Variants in ANAPC5 observed in about 807,000 individuals in gnomAD.
ANAPC5 encodes anaphase-promoting complex subunit 5.
Under a neutral mutation model 91.3 loss-of-function variants are expected in ANAPC5, and 60 were observed. The observed-to-expected ratio is 0.66, with a 90% CI of 0.53 to 0.81. The LOEUF is 0.81. ANAPC5 is among the 40% of genes least tolerant of loss of function. ANAPC5 has a pLI of 0.00. For synonymous variants in ANAPC5, 340 were observed against 364.1 expected, an observed-to-expected ratio of 0.93 and a Z score of 0.75; for missense variants, 690 against 931.5, an observed-to-expected ratio of 0.74 and a Z score of 3.37.
intron 7 of ANAPC5, 49 bp downstream of exon 7, chr12:121,335,484 T>C (rs1903193692): frequency 6.5e-7 from 1 of 1,530,812 alleles, no homozygotes; most frequent in Non-Finnish European, 8.8e-7. Flanking sequence ...GACTTTTTAT[T>C]GTCATCGGTT....
chr12:121,313,303 G>A (rs1380069102), intron 15 of ANAPC5, among the ~76,000 whole-genome samples: 1 of 152,124 alleles, frequency 6.6e-6, no homozygotes, highest in Non-Finnish European at 1.5e-5. Flanking sequence ...TCCAGCCTCG[G>A]TGACAAGAGC....
intron 9 of ANAPC5, 152 bp from the exon 10 acceptor site, chr12:121,328,649 G>C: frequency 1.5e-6 from 1 of 651,836 alleles, no homozygotes; most frequent in South Asian, 2.2e-5. Context: ...CCTTAACCCT[G>C]AGCCATACGA....
At chr12:121,319,906 A>T in intron 12 of ANAPC5, 88 bp from the exon 13 acceptor site, 1 of 1,270,364 alleles carries the variant, frequency 7.9e-7, no homozygotes, top group Non-Finnish European at 1.1e-6. Flanking sequence ...TGCTTAGCAA[A>T]TATCCTTACA....
intron 9 of ANAPC5, among the ~76,000 whole-genome samples, chr12:121,329,450 C>T (rs1902949151): frequency 6.6e-6 from 1 of 152,018 alleles, no homozygotes; most frequent in Non-Finnish European, 1.5e-5. Flanking sequence ...CCACGCCAGG[C>T]CGATTTTAAA....
chr12:121,315,767 G>A (rs1426224227), intron 15 of ANAPC5, among the ~76,000 whole-genome samples: 1 of 152,058 alleles, frequency 6.6e-6, no homozygotes, highest in Non-Finnish European at 1.5e-5. Flanking sequence ...AATAAGAGTG[G>A]AGCCCTATCT....
intron 16 of ANAPC5, among the ~76,000 whole-genome samples, 165 bp from the exon 17 acceptor site, chr12:121,308,856 A>G (rs1902046307): frequency 6.6e-6 from 1 of 152,184 alleles, no homozygotes; most frequent in Non-Finnish European, 1.5e-5. Context: ...GGTTTTCAAA[A>G]AGGTCTTTAA....
intron 1 of ANAPC5, among the ~76,000 whole-genome samples, chr12:121,350,728 T>C (rs374638714): frequency 1.3e-5 from 2 of 150,974 alleles, no homozygotes; most frequent in Admixed American, 6.6e-5. Context: ...TCCACCTCTA[T>C]CGCATTTCAT....
At chr12:121,322,413 C>T (rs546595545) in intron 11 of ANAPC5, among the ~76,000 whole-genome samples, 13 of 151,478 alleles carry the variant, frequency 8.6e-5, no homozygotes, top group African/African-American at 2.2e-4. Context: ...CCCACCTCAG[C>T]CCCCCAAATT....
At chr12:121,335,772 G>T (rs1555273410) in intron 6 of ANAPC5, 49 bp from the exon 7 acceptor site, 1 of 1,487,808 alleles carries the variant, frequency 6.7e-7, no homozygotes, top group Non-Finnish European at 9.2e-7. Context: ...AATATCTCTG[G>T]TGTAAGACAA....
At chr12:121,328,293 C>A in intron 10 of ANAPC5, 23 bp downstream of exon 10, 2 of 1,611,530 alleles carry the variant, frequency 1.2e-6, no homozygotes, top group Non-Finnish European at 8.5e-7. Context: ...GAATTCACAC[C>A]CCCAGGGCCT....
Position 121,309,817 on chromosome 12 carries a change from G to A in ANAPC5, c.1940C>T (p.Ala647Val). ...CCCGTCAGCCAAGATGGGCTCGATG[G>A]CCATGTGGAGAAGACTTAAGGCCTG... The part of the protein sequence containing the change: ...PEQALSLLHM[A>V]IEPILADGAI... Residue 647 changes from alanine to valine, a missense_variant, in exon 16 of 17, where the codon GCC becomes GTC. By Grantham distance (64) the Ala-to-Val change is moderately conservative. Transcript: ENST00000261819. 6.2e-7 allele frequency: 1 copy of A among 1,614,114 alleles called. No homozygotes were observed. The highest frequency in any genetic ancestry group is 8.5e-7 in the Non-Finnish European group (1 of 1,180,020).
intron 11 of ANAPC5, chr12:121,321,162 T>A (rs1276342417): frequency 6.6e-6 from 1 of 151,652 alleles, no homozygotes; most frequent in African/African-American, 2.4e-5. Flanking sequence ...GGCAGGAGAA[T>A]CGCTTGAACC....
chr12:121,329,205 G>A (rs1555272607), intron 9 of ANAPC5: 1 of 152,280 alleles, frequency 6.6e-6, no homozygotes, highest in Non-Finnish European at 1.5e-5. Context: ...CCAGGCTGGA[G>A]TGCAGTGCAG....
Position 121,318,353 on chromosome 12 carries a change from T to C in ANAPC5, c.1817A>G (p.Gln606Arg). 1 of 1,611,868 alleles carries C rather than the reference T, an allele frequency of 6.2e-7. No homozygotes were observed. The highest frequency in any genetic ancestry group is 1.1e-5 in the South Asian group (1 of 90,690). Reference protein sequence around the residue: ...SPTIALPMLLQALALSKEYRL... With the variant: ...SPTIALPMLLRALALSKEYRL... ...GTACTCCTTGGAGAGGGCCAGAGCCTGCAGGAGCATGGGCAGCGCGATGGT... is the reference window on the plus strand; with the variant it reads ...GTACTCCTTGGAGAGGGCCAGAGCCCGCAGGAGCATGGGCAGCGCGATGGT... Residue 606 changes from glutamine (Q) to arginine (R), a missense_variant, in exon 15 of 17, where the codon CAG becomes CGG. Around this residue, in one of 5 missense-constraint regions of ANAPC5, gnomAD observed 317 missense variants for 438.7 expected, o/e 0.72. Coordinates refer to ENST00000261819, the MANE Select transcript of ANAPC5 (RefSeq NM_016237.5).
intron 11 of ANAPC5, among the ~76,000 whole-genome samples, chr12:121,324,631 C>T (rs747738760): frequency 3.3e-5 from 5 of 152,208 alleles, no homozygotes; most frequent in African/African-American, 4.8e-5. Context: ...GTGACTCACA[C>T]CTGTAATTCC....
chr12:121,354,074 T>C (rs1442956465), upstream of ANAPC5, among the ~76,000 whole-genome samples: 1 of 149,036 alleles, frequency 6.7e-6, no homozygotes, highest in African/African-American at 2.5e-5. Flanking sequence ...CTACAATCTC[T>C]ACCTCCCGGG....
chr12:121,331,323 C>T, intron 8 of ANAPC5, 24 bp downstream of exon 8: 1 of 1,573,590 alleles, frequency 6.4e-7, no homozygotes, highest in Non-Finnish European at 8.7e-7. Context: ...GAACAAAACT[C>T]CCAAGACCAG....
chr12:121,327,322 A>G, intron 10 of ANAPC5, 91 bp from the exon 11 acceptor site: 2 of 1,493,924 alleles, frequency 1.3e-6, no homozygotes, highest in East Asian at 4.7e-5. Context: ...TGGAGGCGTA[A>G]AGTCATACAC....
intron 5 of ANAPC5, among the ~76,000 whole-genome samples, chr12:121,341,722 A>C (rs138513974): frequency 6.6e-6 from 1 of 152,336 alleles, no homozygotes; most frequent in East Asian, 1.9e-4. Context: ...TGTTGAGAGA[A>C]GGGTTAAATC....
Sources: gnomAD v4.1 joint callset for allele counts (sites outside exome capture counted in the v4.1 genomes callset) on GRCh38, gnomAD v4.1.1 for gene constraint, gnomAD v4.1.1 regional missense constraint, MANE v1.5 for transcripts, NCBI Gene and HGNC (gene_info 2026-07-23, HGNC 2026-07-21) for gene names.